Variants in SCGB2B2 observed in about 807,000 individuals in gnomAD.
SCGB2B2 encodes the protein secretoglobin family 2B member 2, also known as secretoglobin-like protein.
A neutral mutation model predicts 7.6 loss-of-function variants in SCGB2B2; 11 were observed. The observed-to-expected ratio is 1.45, with a 90% CI of 0.91 to 2.40. The LOEUF (loss-of-function observed/expected upper bound fraction) is 2.40. SCGB2B2 is among the 30% of genes most tolerant of loss of function. The pLI is 0.00. For missense variants in SCGB2B2, 104 were observed against 115.4 expected, an observed-to-expected ratio of 0.90 and a Z score of 0.45; for synonymous variants, 50 against 48.6, an observed-to-expected ratio of 1.03 and a Z score of -0.12.
chr19:34,605,398 T>G (rs533917477), intron 1 of SCGB2B2, among the ~76,000 whole-genome samples: 1 of 152,330 alleles, frequency 6.6e-6, no homozygotes, highest in Admixed American at 6.5e-5. Context: ...GCTGTGCTTT[T>G]GTAGTCAGAT....
intron 1 of SCGB2B2, among the ~76,000 whole-genome samples, chr19:34,632,422 AAAG>A (rs2066559854): frequency 6.6e-6 from 1 of 152,224 alleles, no homozygotes; most frequent in African/African-American, 2.4e-5. Context: ...ATAATAAAGA[AAAG>A]AGTTTAAATG....
chr19:34,666,297 G>T (rs57357097), intron 1 of SCGB2B2, among the ~76,000 whole-genome samples: 4,917 of 152,010 alleles, frequency 0.032, 249 homozygotes, highest in African/African-American at 0.11. Flanking sequence ...AATCACAGAC[G>T]CTTGTCCCAC....
intron 1 of SCGB2B2, among the ~76,000 whole-genome samples, chr19:34,650,943 T>C (rs1189895716): frequency 6.6e-6 from 1 of 151,054 alleles, no homozygotes; most frequent in East Asian, 1.9e-4. Flanking sequence ...GCAAGAATGT[T>C]TCCAGATACA....
rs149652996 is a variant in SCGB2B2 at position 34,625,192 on chromosome 19, G to A, written c.-2031-28598C>T. Reference sequence around the variant, plus strand: ...TTACAGTCTACAGCTCCCAGCGTGAGTGATGCAGAAGACGGCTGATTTCTG... The same window carrying A: ...TTACAGTCTACAGCTCCCAGCGTGAATGATGCAGAAGACGGCTGATTTCTG... On this transcript the variant is annotated intron_variant, in intron 1 of 3. Transcript: ENST00000601241. Among the ~76,000 whole-genome samples the A allele has an allele frequency of 2.7e-3, 414 of 152,350 alleles. 2 individuals carry two copies. Among genetic ancestry groups the A allele is most frequent in the Non-Finnish European group, 5.3e-3 (363 of 68,038 alleles).
downstream of SCGB2B2, among the ~76,000 whole-genome samples, chr19:34,588,401 G>A (rs189423413): frequency 6.6e-5 from 10 of 152,194 alleles, no homozygotes; most frequent in East Asian, 1.9e-3. Context: ...CAGTGATGTG[G>A]CCGTCACCCA....
chr19:34,594,400 G>T, intron 2 of SCGB2B2, 41 bp from the exon 3 acceptor site: 1 of 1,605,720 alleles, frequency 6.2e-7, no homozygotes, highest in Non-Finnish European at 8.5e-7. Context: ...GAGGAGGTCA[G>T]AATTCAGCGA....
At chr19:34,662,909 C>T (rs944394070) in intron 1 of SCGB2B2, among the ~76,000 whole-genome samples, 1 of 151,882 alleles carries the variant, frequency 6.6e-6, no homozygotes, top group Non-Finnish European at 1.5e-5. Context: ...TTAGCCTGGG[C>T]GGCTGAGAGA....
At chr19:34,629,118 C>G (rs1394501388) in intron 1 of SCGB2B2, among the ~76,000 whole-genome samples, 5 of 151,688 alleles carry the variant, frequency 3.3e-5, no homozygotes, top group Admixed American at 2.0e-4. Context: ...TGGGATGTAT[C>G]TCAAAATAAT....
rs1006575085 is a variant in SCGB2B2, at chr19:34,676,636, G to A, written c.-3038C>T. 1 of 152,116 alleles carries A rather than the reference G, an allele frequency of 6.6e-6. No individual in the cohort carries two copies. Among genetic ancestry groups the A allele is most frequent in the African/African-American group, 2.4e-5 (1 of 41,404 alleles). 9.4% of individuals were successfully genotyped at this position (152,116 alleles called of 1,614,324 possible). On this transcript the variant is annotated 5_prime_UTR_variant, in exon 1 of 4. Coordinates refer to ENST00000601241, the MANE Select transcript of SCGB2B2 (RefSeq NM_001025591.4). Reference sequence around the variant, plus strand: ...CTCCCATGGATTTTTTCTTGCGTGAGCTCTAAGAACTCTCTCTTGGGGTCG... The same window carrying A: ...CTCCCATGGATTTTTTCTTGCGTGAACTCTAAGAACTCTCTCTTGGGGTCG...
chr19:34,669,157 G>A (rs1351931587), intron 1 of SCGB2B2, among the ~76,000 whole-genome samples: 2 of 152,122 alleles, frequency 1.3e-5, no homozygotes, highest in Non-Finnish European at 2.9e-5. Context: ...CTTAAGAACT[G>A]TAACACTCAC....
chr19:34,640,240 C>T (rs2066802372), intron 1 of SCGB2B2, among the ~76,000 whole-genome samples: 1 of 152,068 alleles, frequency 6.6e-6, no homozygotes, highest in Non-Finnish European at 1.5e-5. Context: ...TATCTGGGAT[C>T]ACAGGTGTGC....
chr19:34,667,655 G>A (rs1410500119), intron 1 of SCGB2B2, among the ~76,000 whole-genome samples: 1 of 152,206 alleles, frequency 6.6e-6, no homozygotes, highest in East Asian at 1.9e-4. Context: ...TTCACTTTCA[G>A]TTAAGTCTCT....
intron 1 of SCGB2B2, among the ~76,000 whole-genome samples, chr19:34,642,899 C>T (rs530836679): frequency 4.9e-4 from 75 of 152,034 alleles, no homozygotes; most frequent in Admixed American, 1.9e-3. Context: ...ATTAAAAGGA[C>T]AAAAACCAAC....
intron 1 of SCGB2B2, chr19:34,637,590 G>A (rs370757806): frequency 8.3e-4 from 143 of 173,142 alleles, no homozygotes; most frequent in Non-Finnish European, 1.6e-3. Context: ...AACTCATCAT[G>A]AGACAGGCAA....
intron 1 of SCGB2B2, among the ~76,000 whole-genome samples, chr19:34,600,552 C>T (rs750060941): frequency 1.3e-5 from 2 of 152,202 alleles, no homozygotes; most frequent in Admixed American, 6.5e-5. Flanking sequence ...AATCTGGTAT[C>T]GTCAGTGTTG....
intron 1 of SCGB2B2, chr19:34,645,911 G>A: frequency 3.9e-6 from 1 of 255,974 alleles, no homozygotes. Context: ...ATTTCTATAA[G>A]TTGTTTGGGA....
chr19:34,649,778 T>C (rs145691644), intron 1 of SCGB2B2, among the ~76,000 whole-genome samples: 209 of 145,498 alleles, frequency 1.4e-3, no homozygotes, highest in Non-Finnish European at 2.2e-3. Flanking sequence ...CACTTGAACC[T>C]AGGAGCTGAA....
intron 1 of SCGB2B2, among the ~76,000 whole-genome samples, chr19:34,618,932 C>CAAACAATT (rs1388229628): frequency 1.3e-5 from 2 of 152,202 alleles, no homozygotes; most frequent in Non-Finnish European, 2.9e-5. Flanking sequence ...ACAGACAAGT[C>CAAACAATT]AAACAATTAT....
intron 1 of SCGB2B2, among the ~76,000 whole-genome samples, chr19:34,641,713 T>G (rs1386472469): frequency 6.6e-6 from 1 of 152,182 alleles, no homozygotes; most frequent in African/African-American, 2.4e-5. Flanking sequence ...TGGCCCCTCT[T>G]ATGTCGACTA....
Sources: gnomAD v4.1 joint callset for allele counts (sites outside exome capture counted in the v4.1 genomes callset) on GRCh38, gnomAD v4.1.1 for gene constraint, MANE v1.5 for transcripts, NCBI Gene and HGNC (gene_info 2026-07-23, HGNC 2026-07-21) for gene names.